IL5RA: variants seen among roughly 807,000 people sequenced by gnomAD.
IL5RA encodes interleukin 5 receptor subunit alpha.
IL5RA carries 49 observed loss-of-function variants against 50.0 expected under a neutral mutation model. The ratio of observed to expected loss-of-function variants is 0.98; its 90% CI spans 0.78 to 1.24. IL5RA has a LOEUF of 1.24. Ranked by LOEUF, IL5RA falls within the 50% of genes most tolerant of loss-of-function variation. IL5RA has a pLI of 0.00. For missense variants in IL5RA, 600 were observed against 500.4 expected (o/e 1.20, Z -1.90); for synonymous variants, 202 against 174.0 (o/e 1.16, Z -1.26).
At chr3:3,077,193 A>G (rs916245664) in intron 9 of IL5RA, among the ~76,000 whole-genome samples, 3 of 152,268 alleles carry the variant, frequency 2.0e-5, no homozygotes, top group Admixed American at 6.5e-5. Context: ...CATGAAAGGA[A>G]TAAAACTGCC....
chr3:3,088,140 T>C (rs903721498), intron 9 of IL5RA, among the ~76,000 whole-genome samples: 5 of 152,126 alleles, frequency 3.3e-5, no homozygotes, highest in African/African-American at 1.2e-4. Context: ...GAAATAATAA[T>C]GGTAAGAGAG....
In IL5RA at chr3:3,092,948, T is replaced by C. The variant is rs1211465745; in HGVS notation, c.856-586A>G. 1.3e-5 allele frequency among the ~76,000 whole-genome samples: 2 copies of C among 152,116 alleles called. No individual in the cohort carries two copies. The highest frequency in any genetic ancestry group is 2.9e-5 in the Non-Finnish European group (2 of 68,024). ...TATTTTAGCTCTTATTATCTTTTGC[T>C]TGGACCTTTGCAGTAGCCGCTAACT... On this transcript the variant is annotated intron_variant, in intron 8 of 11. Transcript: ENST00000446632. The surrounding 1 kb of genome is among the most constrained non-coding windows in gnomAD (Gnocchi z 4.2).
At chr3:3,074,404 T>A (rs892575352) in intron 11 of IL5RA, among the ~76,000 whole-genome samples, 1 of 152,200 alleles carries the variant, frequency 6.6e-6, no homozygotes, top group Non-Finnish European at 1.5e-5. Flanking sequence ...AAAATTTAAG[T>A]CTAACTGTCA....
chr3:3,104,630 A>T (rs1490219055), intron 3 of IL5RA, among the ~76,000 whole-genome samples: 3 of 152,168 alleles, frequency 2.0e-5, no homozygotes, highest in Non-Finnish European at 4.4e-5. Flanking sequence ...GACATTCCAA[A>T]TGCGACCACT....
In IL5RA at chr3:3,066,483, T is replaced by G. The variant is rs1382647209; in HGVS notation, c.*3742A>C. ...AAAATTTGCACCCTGGTACTCAATT[T>G]GAAGGATGTAGAAGCAGGAATAGCT... On this transcript the variant is annotated 3_prime_UTR_variant, in exon 12 of 12. Transcript: ENST00000446632. 6.6e-6 allele frequency: 1 copy of G among 152,228 alleles called. No individual in the cohort carries two copies. Among genetic ancestry groups the G allele is most frequent in the Non-Finnish European group, 1.5e-5 (1 of 68,044 alleles). The allele number at this position is 152,228 out of a possible 1,614,324, so 9.4% of individuals were successfully genotyped here.
At chr3:3,093,456 C>A (rs928624854) in intron 8 of IL5RA, among the ~76,000 whole-genome samples, 3 of 152,136 alleles carry the variant, frequency 2.0e-5, no homozygotes, top group Non-Finnish European at 4.4e-5. Flanking sequence ...CTTTACATGT[C>A]TTTGGCTATA....
chr3:3,085,291 G>T (rs1702809504), intron 9 of IL5RA, among the ~76,000 whole-genome samples: 1 of 152,226 alleles, frequency 6.6e-6, no homozygotes, highest in East Asian at 1.9e-4. Context: ...CTGCTACTGT[G>T]TAGACCCAGT....
chr3:3,071,440 T>A (rs340809), intron 11 of IL5RA, among the ~76,000 whole-genome samples: 2 of 151,940 alleles, frequency 1.3e-5, no homozygotes, highest in African/African-American at 4.8e-5. Flanking sequence ...CCTGGTGAGA[T>A]CTTGTCTCTA....
chr3:3,077,320 A>G (rs1176657770), intron 9 of IL5RA, among the ~76,000 whole-genome samples: 1 of 152,164 alleles, frequency 6.6e-6, no homozygotes, highest in African/African-American at 2.4e-5. Flanking sequence ...TTATTATTAT[A>G]CTTTAAGTTT....
chr3:3,084,782 C>G (rs534904274), intron 9 of IL5RA, among the ~76,000 whole-genome samples: 2 of 152,386 alleles, frequency 1.3e-5, no homozygotes, highest in East Asian at 3.9e-4. Context: ...AGTTCCTTCA[C>G]CTCTCTGCAT....
At position 3,090,107 on chromosome 3, in the gene IL5RA, A is replaced by G. The variant is rs115533553; in HGVS notation, c.994+2117T>C. On this transcript the variant is annotated intron_variant, in intron 9 of 11. Transcript: ENST00000446632. ...CTAAACTTTCCAAACAAGTTTTTTGATAGGACTAAGATTATGTATTTAGCA... is the reference window on the plus strand; with the variant it reads ...CTAAACTTTCCAAACAAGTTTTTTGGTAGGACTAAGATTATGTATTTAGCA... The G allele has an allele frequency of 1.3e-3, 1,523 of 1,188,400 alleles. 10 individuals carry two copies. The African/African-American group carries it at 0.022, about 17-fold the overall frequency. The allele number at this position is 1,188,400 out of a possible 1,614,324, so 73.6% of individuals were successfully genotyped here.
At chr3:3,107,243 A>G (rs1010550289) in intron 2 of IL5RA, among the ~76,000 whole-genome samples, 1 of 97,844 alleles carries the variant, frequency 1.0e-5, no homozygotes, top group African/African-American at 3.6e-5. Flanking sequence ...TATTAAAAAG[A>G]ATGACATTTT....
chr3:3,074,934 A>T (rs1337952084), intron 10 of IL5RA, 68 bp from the exon 11 acceptor site: 2 of 957,584 alleles, frequency 2.1e-6, no homozygotes, highest in Non-Finnish European at 3.3e-6. Context: ...TATCTACTCT[A>T]AAAATTGACC....
At chr3:3,100,160 G>C (rs1703574265) in intron 5 of IL5RA, among the ~76,000 whole-genome samples, 1 of 130,888 alleles carries the variant, frequency 7.6e-6, no homozygotes, top group Non-Finnish European at 1.6e-5. Context: ...CCTGGGCCAG[G>C]AAGGACCGCA....
intron 11 of IL5RA, among the ~76,000 whole-genome samples, chr3:3,071,646 G>A (rs190909124): frequency 1.3e-5 from 2 of 149,274 alleles, no homozygotes; most frequent in East Asian, 2.0e-4. Flanking sequence ...CTGCAGTGCA[G>A]TGGCACAATC....
intron 5 of IL5RA, among the ~76,000 whole-genome samples, chr3:3,100,966 G>A (rs1207509002): frequency 6.7e-6 from 1 of 148,546 alleles, no homozygotes; most frequent in Non-Finnish European, 1.5e-5. Context: ...GGCCAACATG[G>A]CAAAACCCCA....
Position 3,105,118 on chromosome 3 carries a change from A to T in IL5RA, c.-3-131T>A. The T allele has an allele frequency of 4.9e-6, 3 of 616,092 alleles. No homozygotes were observed. In the South Asian group the frequency reaches 5.9e-5, roughly 12 times the overall value. 38.2% of individuals were successfully genotyped at this position (616,092 alleles called of 1,614,324 possible). A position where few individuals can be genotyped will look rare whatever the true frequency, so the allele number is the denominator to read the frequency against. On this transcript the variant is annotated intron_variant, in intron 2 of 11. Transcript: ENST00000446632. The stretch of plus-strand genomic sequence containing the variant: ...ATTTATGGCATATTTGTTATGCGCA[A>T]AAAGTACAAACATGACCAAATGTTG...
rs1202215805 is a variant in IL5RA at position 3,097,926 on chromosome 3, GAGCCGTTAACA to G, written c.642_652del (p.Val215GlnfsTer10). 1 of 1,614,068 alleles carries G rather than the reference GAGCCGTTAACA, an allele frequency of 6.2e-7. No homozygotes were observed. Among genetic ancestry groups the G allele is most frequent in the Non-Finnish European group, 8.5e-7 (1 of 1,180,042 alleles). On this transcript the variant is annotated frameshift_variant, in exon 7 of 12. Transcript: ENST00000446632. LOFTEE classifies it high-confidence loss of function. Reference sequence around the variant, plus strand: ...GGGCCTGATAGCAGAGTGCTTGCTGGAGCCGTTAACAAGCACCGCAAGCCAGTCACGCCCTT... The same window carrying G: ...GGGCCTGATAGCAGAGTGCTTGCTGGAGCACCGCAAGCCAGTCACGCCCTT...
intron 9 of IL5RA, among the ~76,000 whole-genome samples, chr3:3,077,965 A>G (rs140805873): frequency 6.6e-6 from 1 of 152,170 alleles, no homozygotes; most frequent in East Asian, 1.9e-4. Context: ...ACTAATATTT[A>G]CTGGGCTCCT....
Sources: allele counts gnomAD v4.1 joint callset (sites outside exome capture counted in the v4.1 genomes callset), GRCh38; gene constraint gnomAD v4.1.1; non-coding constraint Gnocchi (gnomAD v3.1); transcripts MANE v1.5; gene names NCBI Gene and HGNC (gene_info 2026-07-23, HGNC 2026-07-21).